ARAP1: variants seen among roughly 807,000 people sequenced by gnomAD.
ARAP1 encodes arf-GAP with Rho-GAP domain, ANK repeat and PH domain-containing protein 1.
Under a neutral mutation model 172.2 loss-of-function variants are expected in ARAP1, and 76 were observed. That is an observed-to-expected ratio of 0.44 (90% CI 0.37 to 0.53). ARAP1 has a LOEUF of 0.53. ARAP1 is among the 20% of genes least tolerant of loss of function. ARAP1 has a pLI of 0.00. For synonymous variants in ARAP1, 804 were observed against 803.3 expected, an observed-to-expected ratio of 1.00 and a Z score of -0.01; for missense variants, 1,686 against 1,977.5, an observed-to-expected ratio of 0.85 and a Z score of 2.80.
Position 72,686,112 on chromosome 11 carries a change from A to G in ARAP1, c.4265T>C (p.Leu1422Pro). 1 of 1,614,102 alleles carries G rather than the reference A, an allele frequency of 6.2e-7. No homozygotes were observed. The highest frequency in any genetic ancestry group is 1.1e-5 in the South Asian group (1 of 91,090). ...VPEVRLGSVS[L>P]IPLRGSENEM... is the part of the protein sequence containing the mutation. ...ATTTTCACTACCTCGAAGGGGGATC[A>G]GTGACACACTACCCAGCCGGACCTC... Residue 1422 changes from leucine (L) to proline (P), a missense_variant, in exon 34 of 35, where the codon CTG (leucine) becomes CCG (proline). This residue lies in a region of ARAP1 where 379 missense variants were observed against 500.1 expected (regional missense o/e 0.76). Coordinates refer to ENST00000393609, the MANE Select transcript of ARAP1 (RefSeq NM_001040118.3).
At chr11:72,750,442 G>C (rs909040095) in intron 1 of ARAP1, among the ~76,000 whole-genome samples, 73 of 152,276 alleles carry the variant, frequency 4.8e-4, no homozygotes, top group African/African-American at 1.6e-3. Context: ...ACCTCCAGCC[G>C]ATGCCCTAGG....
At position 72,746,681 on chromosome 11, in the gene ARAP1, C is replaced by A. The variant is rs113953723; in HGVS notation, c.-128+5647G>T. Among the ~76,000 whole-genome samples the A allele has an allele frequency of 1.5e-3, 221 of 152,140 alleles. 1 individual carries two copies. Among genetic ancestry groups the A allele is most frequent in the African/African-American group, 5.1e-3 (211 of 41,524 alleles). Reference sequence around the variant, plus strand: ...AGCCCCCTCCCCCCAACCCCCTCCCCCTCTCACCTGCCCAATTTGGTTGGT... The same window carrying A: ...AGCCCCCTCCCCCCAACCCCCTCCCACTCTCACCTGCCCAATTTGGTTGGT... On this transcript the variant is annotated intron_variant, in intron 1 of 34. Coordinates refer to ENST00000393609, the MANE Select transcript of ARAP1 (RefSeq NM_001040118.3).
In ARAP1 at chr11:72,710,110, T is replaced by A; in HGVS notation, c.1417-134A>T. 1 of 838,740 alleles carries A rather than the reference T, an allele frequency of 1.2e-6. No homozygotes were observed. Among genetic ancestry groups the A allele is most frequent in the Non-Finnish European group, 2.0e-6 (1 of 510,716 alleles). 52.0% of individuals were successfully genotyped at this position (838,740 alleles called of 1,614,324 possible). ...CCCAGGAGGGAGACAGCAGGGGACA[T>A]GGGAGGCTGGGCAGGGTAAGGGGCT... On this transcript the variant is annotated intron_variant, in intron 10 of 34. Transcript: ENST00000393609. The surrounding 1 kb of genome is among the most constrained non-coding windows in gnomAD (Gnocchi z 4.3).
At chr11:72,723,289 C>T (rs1857584560) in intron 3 of ARAP1, among the ~76,000 whole-genome samples, 1 of 151,978 alleles carries the variant, frequency 6.6e-6, no homozygotes, top group African/African-American at 2.4e-5. Flanking sequence ...GCCTGGGCAA[C>T]AGAGAGAGAC....
In ARAP1 at chr11:72,697,332, T is replaced by C. The variant is rs774136845; in HGVS notation, c.2944A>G (p.Thr982Ala). ...TAGGGGCAGGGCTCACCGCACTGCG[T>C]GATGTAGTCCACACAGCGGTACACG... ...VIVYRCVDYI[T>A]QCGLTSEGIY... Residue 982 changes from threonine (T) to alanine (A), a missense_variant, in exon 21 of 35, where the codon ACG becomes GCG. Thr to Ala is a moderately conservative substitution (Grantham distance 58). Transcript: ENST00000393609. 1.9e-6 allele frequency: 3 copies of C among 1,590,214 alleles called. No individual in the cohort carries two copies. In the Admixed American group the frequency reaches 5.4e-5, roughly 29 times the overall value.
chr11:72,726,640 T>G lies in ARAP1; in HGVS notation c.489A>C (p.Gly163=), dbSNP rs1377187684. The change falls in exon 3 of 35, where the codon GGA becomes GGC. Residue 163 remains glycine (G), a synonymous_variant. Coordinates refer to ENST00000393609, the MANE Select transcript of ARAP1 (RefSeq NM_001040118.3). The surrounding 1 kb of genome is among the most constrained non-coding windows in gnomAD (Gnocchi z 6.5). The part of the protein sequence containing the change: ...LSVPPVPPRT[G]PPRLLVSLPT... Reference sequence around the variant, plus strand: ...CTCACCTCACCAGCAGGCGGGGGGGTCCGGTGCGGGGCGGCACGGGTGGAA... The same window carrying G: ...CTCACCTCACCAGCAGGCGGGGGGGGCCGGTGCGGGGCGGCACGGGTGGAA... 1 of 1,518,524 alleles carries G rather than the reference T, an allele frequency of 6.6e-7. No homozygotes were observed. The highest frequency in any genetic ancestry group is 8.8e-7 in the Non-Finnish European group (1 of 1,131,520). 94.1% of individuals were successfully genotyped at this position (1,518,524 alleles called of 1,614,324 possible).
At chr11:72,700,734 T>C (rs1281323936) in intron 16 of ARAP1, among the ~76,000 whole-genome samples, 1 of 152,226 alleles carries the variant, frequency 6.6e-6, no homozygotes, top group East Asian at 1.9e-4. Flanking sequence ...CCAGGCGTGG[T>C]GACTCACGCC....
chr11:72,725,359 G>A lies in ARAP1; in HGVS notation c.509+1261C>T, dbSNP rs549540570. Among the ~76,000 whole-genome samples, 1 of 151,194 alleles carries A rather than the reference G, an allele frequency of 6.6e-6. No individual in the cohort carries two copies. Among genetic ancestry groups the A allele is most frequent in the African/African-American group, 2.4e-5 (1 of 41,312 alleles). On this transcript the variant is annotated intron_variant, in intron 3 of 34. Transcript: ENST00000393609. This position sits in a 1 kb window ranked among gnomAD's most constrained non-coding sequence, Gnocchi z 4.3. ...CTCCCCCCCACAAGCTGATGGGGTTGAAATAGAAAACGCTCCTGCATGCAG... is the reference window on the plus strand; with the variant it reads ...CTCCCCCCCACAAGCTGATGGGGTTAAAATAGAAAACGCTCCTGCATGCAG...
chr11:72,717,316 C>T (rs575007973), intron 3 of ARAP1, among the ~76,000 whole-genome samples: 1 of 152,298 alleles, frequency 6.6e-6, no homozygotes, highest in Non-Finnish European at 1.5e-5. Context: ...AGCTGTCAGG[C>T]CAGGGCCAGT....
rs1414968675 is a variant in ARAP1, at chr11:72,725,036, G to A, written c.509+1584C>T. ...GTGCCAGGAGGGCCCAGAAGTCTATGGAGGACCACAGAGGGCACCTGATGG... is the reference window on the plus strand; with the variant it reads ...GTGCCAGGAGGGCCCAGAAGTCTATAGAGGACCACAGAGGGCACCTGATGG... On this transcript the variant is annotated intron_variant, in intron 3 of 34. Coordinates refer to ENST00000393609, the MANE Select transcript of ARAP1 (RefSeq NM_001040118.3). This position sits in a 1 kb window ranked among gnomAD's most constrained non-coding sequence, Gnocchi z 4.3. Among the ~76,000 whole-genome samples the A allele has an allele frequency of 6.6e-6, 1 of 152,142 alleles. No homozygotes were observed. Among genetic ancestry groups the A allele is most frequent in the Non-Finnish European group, 1.5e-5 (1 of 68,030 alleles).
At chr11:72,691,962 A>G (rs113109567) in intron 30 of ARAP1, among the ~76,000 whole-genome samples, 6 of 152,136 alleles carry the variant, frequency 3.9e-5, no homozygotes, top group Admixed American at 1.3e-4. Flanking sequence ...TAGGGTTCGC[A>G]CTCTTACGAG....
In ARAP1 at chr11:72,712,992, G is replaced by A. The variant is rs1273450132; in HGVS notation, c.747+184C>T. The A allele has an allele frequency of 4.5e-6, 3 of 668,780 alleles. No homozygotes were observed. The African/African-American group carries it at 5.5e-5, about 12-fold the overall frequency. The allele number at this position is 668,780 out of a possible 1,614,324, so 41.4% of individuals were successfully genotyped here. A position where few individuals can be genotyped will look rare whatever the true frequency, so the allele number is the denominator to read the frequency against. Reference sequence around the variant, plus strand: ...GAGCCACACCAGAGCCCCGACCCCTGGCCCAGAGCGCTGTGGCTACACGTG... The same window carrying A: ...GAGCCACACCAGAGCCCCGACCCCTAGCCCAGAGCGCTGTGGCTACACGTG... On this transcript the variant is annotated intron_variant, in intron 5 of 34. Coordinates refer to ENST00000393609, the MANE Select transcript of ARAP1 (RefSeq NM_001040118.3).
At position 72,727,090 on chromosome 11, in the gene ARAP1, C is replaced by T. The variant is rs1857715861; in HGVS notation, c.39G>A (p.Glu13=). 2 of 1,597,038 alleles carry T rather than the reference C, an allele frequency of 1.3e-6. No individual in the cohort carries two copies. The highest frequency in any genetic ancestry group is 1.7e-6 in the Non-Finnish European group (2 of 1,167,824). The change falls in exon 3 of 35, where the codon GAG becomes GAA. Residue 13 remains glutamate (E), a synonymous_variant. Coordinates refer to ENST00000393609, the MANE Select transcript of ARAP1 (RefSeq NM_001040118.3). ...EAGDAALSVA[E]WLRALHLEQY... is the part of the protein sequence containing the mutation. ...GCTCCAGGTGCAATGCCCGCAGCCA[C>T]TCGGCCACCGATAGCGCAGCATCCC...
rs746632462 is a variant in ARAP1, at chr11:72,697,205, G to A, written c.2954-10C>T. The A allele has an allele frequency of 1.9e-6, 3 of 1,595,046 alleles. No homozygotes were observed. Among genetic ancestry groups the A allele is most frequent in the Non-Finnish European group, 2.6e-6 (3 of 1,174,206 alleles). On this transcript the variant is annotated splice_polypyrimidine_tract_variant and intron_variant, in intron 21 of 34. Coordinates refer to ENST00000393609, the MANE Select transcript of ARAP1 (RefSeq NM_001040118.3). Reference sequence around the variant, plus strand: ...CCCTCGGAGGTCAGGCCTAGGGAGGGGCGGGGCCAAGCGTTCGGGGCCTGA... The same window carrying A: ...CCCTCGGAGGTCAGGCCTAGGGAGGAGCGGGGCCAAGCGTTCGGGGCCTGA...
chr11:72,693,079 A>C lies in ARAP1; in HGVS notation c.3954+246T>G. ...ATAAGGCACAGGCACAGTGAGACAG[A>C]GCATGGGCATGGAGTGGTGTGATGG... On this transcript the variant is annotated intron_variant, in intron 29 of 34. Coordinates refer to ENST00000393609, the MANE Select transcript of ARAP1 (RefSeq NM_001040118.3). This position sits in a 1 kb window ranked among gnomAD's most constrained non-coding sequence, Gnocchi z 4.6. The C allele has an allele frequency of 1.5e-6, 1 of 653,302 alleles. No individual in the cohort carries two copies. Among genetic ancestry groups the C allele is most frequent in the East Asian group, 2.7e-5 (1 of 36,528 alleles). 40.5% of individuals were successfully genotyped at this position (653,302 alleles called of 1,614,324 possible). A position where few individuals can be genotyped will look rare whatever the true frequency, so the allele number is the denominator to read the frequency against.
intron 11 of ARAP1, 89 bp downstream of exon 11, chr11:72,709,781 C>T (rs1856926867): frequency 7.2e-7 from 1 of 1,394,218 alleles, no homozygotes; most frequent in African/African-American, 1.4e-5. Flanking sequence ...GAACCCATCC[C>T]ATAGGAAGGG....
In ARAP1 at chr11:72,727,065, G is replaced by A; in HGVS notation, c.64C>T (p.Gln22Ter). The change falls in exon 3 of 35, where the codon CAG becomes TAG. Residue 22 changes from glutamine to a stop codon, truncating the protein, a stop_gained. Coordinates refer to ENST00000393609, the MANE Select transcript of ARAP1 (RefSeq NM_001040118.3). LOFTEE classifies it high-confidence loss of function. Reference sequence around the variant, plus strand: ...TGCTGCTCAAAGAGCCCCGTGTACTGCTCCAGGTGCAATGCCCGCAGCCAC... The same window carrying A: ...TGCTGCTCAAAGAGCCCCGTGTACTACTCCAGGTGCAATGCCCGCAGCCAC... ...AEWLRALHLE[Q>*]YTGLFEQHGL... is the part of the protein sequence containing the mutation. The A allele has an allele frequency of 6.2e-7, 1 of 1,601,310 alleles. No individual in the cohort carries two copies. The highest frequency in any genetic ancestry group is 8.5e-7 in the Non-Finnish European group (1 of 1,170,600).
Position 72,726,630 on chromosome 11 carries a change from G to C in ARAP1, c.499C>G (p.Leu167Val), listed in dbSNP as rs111986615. Residue 167 changes from leucine to valine, a missense_variant, in exon 3 of 35, where the codon CTG (leucine) becomes GTG (valine). Coordinates refer to ENST00000393609, the MANE Select transcript of ARAP1 (RefSeq NM_001040118.3). This position sits in a 1 kb window ranked among gnomAD's most constrained non-coding sequence, Gnocchi z 6.5. Reference protein sequence around the residue: ...PVPPRTGPPRLLVSLPTKEEE... With the variant: ...PVPPRTGPPRVLVSLPTKEEE... ...GTGGCATCCACTCACCTCACCAGCA[G>C]GCGGGGGGGTCCGGTGCGGGGCGGC... 4 of 1,514,332 alleles carry C rather than the reference G, an allele frequency of 2.6e-6. No homozygotes were observed. The East Asian group carries it at 9.5e-5, about 36-fold the overall frequency. The allele number at this position is 1,514,332 out of a possible 1,614,324, so 93.8% of individuals were successfully genotyped here.
chr11:72,707,445 C>A, intron 11 of ARAP1, 71 bp from the exon 12 acceptor site: 1 of 1,420,066 alleles, frequency 7.0e-7, no homozygotes. Context: ...TGAGGATGCA[C>A]AGAATGAAGT....
Sources: allele counts gnomAD v4.1 joint callset (sites outside exome capture counted in the v4.1 genomes callset), GRCh38; gene constraint gnomAD v4.1.1; regional missense constraint gnomAD v4.1.1; non-coding constraint Gnocchi (gnomAD v3.1); transcripts MANE v1.5; gene names NCBI Gene and HGNC (gene_info 2026-07-23, HGNC 2026-07-21).